The following SLC22A13 variants were observed in gnomAD, a reference collection of about 807,000 sequenced individuals.
The protein encoded by SLC22A13 is organic anion transporter 10.
SLC22A13 carries 42 observed loss-of-function variants against 49.1 expected under a neutral mutation model. The observed-to-expected ratio is 0.85, with a 90% confidence interval of 0.67 to 1.11. SLC22A13 has a LOEUF of 1.11. Among genes scored for constraint, SLC22A13 ranks in the 50% least tolerant of loss-of-function variants. The pLI is 0.00. For missense variants in SLC22A13, 694 were observed against 712.8 expected (o/e 0.97, Z 0.30); for synonymous variants, 282 against 293.1 (o/e 0.96, Z 0.39).
intron 1 of SLC22A13, among the ~76,000 whole-genome samples, chr3:38,272,054 G>A (rs1703528496): frequency 6.6e-6 from 1 of 152,214 alleles, no homozygotes; most frequent in Admixed American, 6.5e-5. Flanking sequence ...GAGAGCTCAG[G>A]CATATCTCGG....
At chr3:38,274,506 A>G in intron 2 of SLC22A13, 98 bp from the exon 3 acceptor site, 1 of 1,470,852 alleles carries the variant, frequency 6.8e-7, no homozygotes, top group Non-Finnish European at 9.4e-7. Flanking sequence ...AATGGGGCTC[A>G]GACAGAGACC....
chr3:38,277,203 C>T (rs769634429), intron 9 of SLC22A13, 76 bp downstream of exon 9: 13 of 1,210,054 alleles, frequency 1.1e-5, no homozygotes, highest in Non-Finnish European at 1.5e-5. Flanking sequence ...CAGGCCTCCA[C>T]CTCATCACTC....
At chr3:38,276,852 G>A in intron 8 of SLC22A13, 60 bp from the exon 9 acceptor site, 1 of 1,448,904 alleles carries the variant, frequency 6.9e-7, no homozygotes, top group South Asian at 1.2e-5. Flanking sequence ...ATATACTAGG[G>A]TGAAGCTGAG....
chr3:38,265,814 A>G lies in SLC22A13; in HGVS notation c.-47A>G. On this transcript the variant is annotated 5_prime_UTR_variant, in exon 1 of 10. Transcript: ENST00000311856. ...GAGCAAGTTCCCAGAGCCAAGCTAC[A>G]GAGCTACCCTAGTGTCCCCAGGCTG... 1.3e-6 allele frequency: 2 copies of G among 1,587,514 alleles called. No individual in the cohort carries two copies. Among genetic ancestry groups the G allele is most frequent in the East Asian group, 4.5e-5 (2 of 44,720 alleles).
chr3:38,275,722 G>C (rs749394941), intron 6 of SLC22A13, 50 bp downstream of exon 6: 3 of 1,579,474 alleles, frequency 1.9e-6, no homozygotes, highest in East Asian at 4.5e-5. Flanking sequence ...AGCCTCCCTG[G>C]TGTGTGTTGG....
intron 1 of SLC22A13, among the ~76,000 whole-genome samples, chr3:38,272,306 C>G (rs1183516047): frequency 6.6e-6 from 1 of 152,228 alleles, no homozygotes; most frequent in African/African-American, 2.4e-5. Flanking sequence ...AGCACAGAGG[C>G]CAGCACAGCC....
At chr3:38,266,278 G>T in intron 1 of SLC22A13, 40 bp downstream of exon 1, 1 of 1,591,590 alleles carries the variant, frequency 6.3e-7, no homozygotes, top group Non-Finnish European at 8.6e-7. Context: ...CCGGTTGTGG[G>T]TCTGTCAGGT....
At chr3:38,275,736 A>C in intron 6 of SLC22A13, 64 bp downstream of exon 6, 2 of 1,550,898 alleles carry the variant, frequency 1.3e-6, no homozygotes, top group Non-Finnish European at 1.8e-6. Flanking sequence ...GTGTTGGCAG[A>C]GGGGTGGGCT....
rs1703602414 is a variant in SLC22A13, at chr3:38,277,552, G to T, written c.*87G>T. On this transcript the variant is annotated 3_prime_UTR_variant, in exon 10 of 10. Transcript: ENST00000311856. ...TGGCCAGGACCCACAGGGACACAGGGCAAGACCAGCCTTGCTTATGGAGGC... is the reference window on the plus strand; with the variant it reads ...TGGCCAGGACCCACAGGGACACAGGTCAAGACCAGCCTTGCTTATGGAGGC... 2.1e-6 allele frequency: 2 copies of T among 964,126 alleles called. No homozygotes were observed. The highest frequency in any genetic ancestry group is 1.6e-5 in the African/African-American group (1 of 61,338). 59.7% of individuals were successfully genotyped at this position (964,126 alleles called of 1,614,324 possible). A position where few individuals can be genotyped will look rare whatever the true frequency, so the allele number is the denominator to read the frequency against.
rs1390466540 is a variant in SLC22A13 at position 38,278,665 on chromosome 3, C to G, written c.*1200C>G. On this transcript the variant is annotated 3_prime_UTR_variant, in exon 10 of 10. Transcript: ENST00000311856. ...CAAAACCCTGTCTCTACTAAAAATACAAAAATTAGCCCTATATGGTGGTGC... is the reference window on the plus strand; with the variant it reads ...CAAAACCCTGTCTCTACTAAAAATAGAAAAATTAGCCCTATATGGTGGTGC... Among the ~76,000 whole-genome samples the G allele has an allele frequency of 6.6e-6, 1 of 151,806 alleles. No individual in the cohort carries two copies. The highest frequency in any genetic ancestry group is 2.4e-5 in the African/African-American group (1 of 41,288).
intron 1 of SLC22A13, among the ~76,000 whole-genome samples, chr3:38,269,318 C>G (rs998985399): frequency 6.6e-6 from 1 of 151,618 alleles, no homozygotes. Context: ...AGTGCAGTGG[C>G]GAGATCTGGG....
rs1463702354 is a variant in SLC22A13, at chr3:38,278,645, C to T, written c.*1180C>T. Among the ~76,000 whole-genome samples, 5 of 151,802 alleles carry T rather than the reference C, an allele frequency of 3.3e-5. No homozygotes were observed. Among genetic ancestry groups the T allele is most frequent in the Non-Finnish European group, 5.9e-5 (4 of 67,968 alleles). Reference sequence around the variant, plus strand: ...GACCAGCCTGGCTGGCATGGCAAAACCCTGTCTCTACTAAAAATACAAAAA... The same window carrying T: ...GACCAGCCTGGCTGGCATGGCAAAATCCTGTCTCTACTAAAAATACAAAAA... On this transcript the variant is annotated 3_prime_UTR_variant, in exon 10 of 10. Coordinates refer to ENST00000311856, the MANE Select transcript of SLC22A13 (RefSeq NM_004256.4).
At chr3:38,272,201 C>A (rs967660219) in intron 1 of SLC22A13, among the ~76,000 whole-genome samples, 13 of 152,224 alleles carry the variant, frequency 8.5e-5, no homozygotes, top group African/African-American at 3.1e-4. Context: ...ACCAGGTGTG[C>A]CAGCCTTAGA....
Position 38,275,949 on chromosome 3 carries a change from C to A in SLC22A13, c.1090C>A (p.Leu364Met). 3 of 1,614,244 alleles carry A rather than the reference C, an allele frequency of 1.9e-6. No homozygotes were observed. Among genetic ancestry groups the A allele is most frequent in the Non-Finnish European group, 2.5e-6 (3 of 1,180,040 alleles). Reference protein sequence around the residue: ...QVGDFGLDVYLTQLIFGAVEV... With the variant: ...QVGDFGLDVYMTQLIFGAVEV... ...GGGGGACTTCGGCCTGGACGTCTAT[C>A]TGACGCAGCTCATCTTTGGAGCTGT... The change falls in exon 7 of 10, where the codon CTG becomes ATG. Residue 364 changes from leucine (L) to methionine (M), a missense_variant. Transcript: ENST00000311856.
Position 38,275,387 on chromosome 3 carries a change from C to T in SLC22A13, c.824C>T (p.Ala275Val), listed in dbSNP as rs1446933394. Reference sequence around the variant, plus strand: ...ACCCACAGGGCTCTGCCAGAATCTGCACGTTGGCTCCTGACCCGTGGGAGG... The same window carrying T: ...ACCCACAGGGCTCTGCCAGAATCTGTACGTTGGCTCCTGACCCGTGGGAGG... ...FFYFWALPES[A>V]RWLLTRGRMD... The change falls in exon 5 of 10, where the codon GCA (alanine) becomes GTA (valine). Residue 275 changes from alanine to valine, a missense_variant. Ala to Val is a moderately conservative substitution (Grantham distance 64). Coordinates refer to ENST00000311856, the MANE Select transcript of SLC22A13 (RefSeq NM_004256.4). The T allele has an allele frequency of 1.2e-6, 2 of 1,614,038 alleles. No individual in the cohort carries two copies. Among genetic ancestry groups the T allele is most frequent in the Non-Finnish European group, 1.7e-6 (2 of 1,180,032 alleles).
At chr3:38,276,201 G>C in intron 7 of SLC22A13, 86 bp from the exon 8 acceptor site, 1 of 1,492,102 alleles carries the variant, frequency 6.7e-7, no homozygotes, top group Non-Finnish European at 9.2e-7. Flanking sequence ...GGCTTCCCGG[G>C]GGTTTGGGTA....
At position 38,277,892 on chromosome 3, in the gene SLC22A13, T is replaced by A. The variant is rs1483221984; in HGVS notation, c.*427T>A. 6.5e-6 allele frequency: 1 copy of A among 154,608 alleles called. No individual in the cohort carries two copies. The allele number at this position is 154,608 out of a possible 1,614,324, so 9.6% of individuals were successfully genotyped here. A position where few individuals can be genotyped will look rare whatever the true frequency, so the allele number is the denominator to read the frequency against. On this transcript the variant is annotated 3_prime_UTR_variant, in exon 10 of 10. Transcript: ENST00000311856. ...GGAACAGGAGGGGAGAGGAAACAAA[T>A]GTGAAGTTGTGGACTCTACCCAGGC...
chr3:38,277,411 C>A lies in SLC22A13; in HGVS notation c.1602C>A (p.Ala534=), dbSNP rs781603852. Residue 534 remains alanine, a synonymous_variant, in exon 10 of 10, where the codon GCC becomes GCA. Coordinates refer to ENST00000311856, the MANE Select transcript of SLC22A13 (RefSeq NM_004256.4). ...KSVPSEKETE[A]KGRTSSPGVA... is the part of the protein sequence containing the mutation. ...TGCCCTCAGAGAAGGAAACAGAGGCCAAGGGAAGAACTTCCAGCCCGGGAG... is the reference window on the plus strand; with the variant it reads ...TGCCCTCAGAGAAGGAAACAGAGGCAAAGGGAAGAACTTCCAGCCCGGGAG... 6.2e-7 allele frequency: 1 copy of A among 1,614,108 alleles called. No homozygotes were observed. Among genetic ancestry groups the A allele is most frequent in the East Asian group, 2.2e-5 (1 of 44,886 alleles).
chr3:38,271,586 G>A (rs989950424), intron 1 of SLC22A13, among the ~76,000 whole-genome samples: 6 of 149,926 alleles, frequency 4.0e-5, no homozygotes, highest in Admixed American at 6.7e-5. Context: ...CCCTGTCTAC[G>A]TGGACCTTGG....
Sources: gnomAD v4.1 joint callset for allele counts (sites outside exome capture counted in the v4.1 genomes callset) on GRCh38, gnomAD v4.1.1 for gene constraint, MANE v1.5 for transcripts, NCBI Gene and HGNC (gene_info 2026-07-23, HGNC 2026-07-21) for gene names.